Variants in ZBTB20 observed in about 807,000 individuals in gnomAD.
ZBTB20 encodes the protein zinc finger and BTB domain-containing protein 20.
A neutral mutation model predicts 56.9 loss-of-function variants in ZBTB20; 9 were observed. That is an observed-to-expected ratio of 0.16 (90% CI 0.10 to 0.28). The LOEUF is 0.28. ZBTB20 is among the 10% of genes least tolerant of loss of function. ZBTB20 has a pLI of 1.00. For synonymous variants in ZBTB20, 417 were observed against 420.7 expected, an observed-to-expected ratio of 0.99 and a Z score of 0.11; for missense variants, 655 against 1,003.0, an observed-to-expected ratio of 0.65 and a Z score of 4.69.
intron 4 of ZBTB20, among the ~76,000 whole-genome samples, chr3:114,864,382 T>G (rs2075671708): frequency 6.6e-6 from 1 of 152,094 alleles, no homozygotes; most frequent in Non-Finnish European, 1.5e-5. Flanking sequence ...TTCTTATTTA[T>G]TTAGCCAAGG....
chr3:114,665,257 C>A (rs2060982419), intron 6 of ZBTB20, among the ~76,000 whole-genome samples: 1 of 151,994 alleles, frequency 6.6e-6, no homozygotes, highest in African/African-American at 2.4e-5. Context: ...TACTCTGTTA[C>A]AATTGCCTAC....
chr3:114,983,737 C>G (rs2108102054), intron 2 of ZBTB20, among the ~76,000 whole-genome samples: 1 of 152,030 alleles, frequency 6.6e-6, no homozygotes, highest in East Asian at 1.9e-4. Flanking sequence ...AAAATACAGC[C>G]AACAGAGTTT....
chr3:115,059,809 CAGA>C (rs1290391967), intron 2 of ZBTB20, among the ~76,000 whole-genome samples: 1 of 152,104 alleles, frequency 6.6e-6, no homozygotes, highest in South Asian at 2.1e-4. Context: ...TTCTATGCAA[CAGA>C]AGAAGATATT....
intron 3 of ZBTB20, among the ~76,000 whole-genome samples, chr3:114,961,659 T>C (rs1360716943): frequency 3.9e-5 from 6 of 152,168 alleles, no homozygotes; most frequent in African/African-American, 1.2e-4. Context: ...ACCTTCCCGT[T>C]GTTCTTGCCT....
intron 6 of ZBTB20, among the ~76,000 whole-genome samples, chr3:114,551,593 T>G (rs188320115): frequency 7.2e-5 from 11 of 152,298 alleles, no homozygotes; most frequent in African/African-American, 2.6e-4. Flanking sequence ...GAGATATACA[T>G]AAGCAACAAA....
At chr3:114,450,333 A>T (rs545986015) in intron 7 of ZBTB20, among the ~76,000 whole-genome samples, 131 of 152,260 alleles carry the variant, frequency 8.6e-4, no homozygotes, top group Admixed American at 1.2e-3. Context: ...CAAAACTCAA[A>T]TTTTTTTATC....
Position 115,010,819 on chromosome 3 carries a change from C to T in ZBTB20, c.-506-36403G>A, listed in dbSNP as rs550895676. 7.9e-5 allele frequency among the ~76,000 whole-genome samples: 12 copies of T among 151,984 alleles called. No homozygotes were observed. The South Asian group carries it at 2.5e-3, about 32-fold the overall frequency. ...CTAAATAAGGCACCAGGGACCAATG[C>T]TGGAGAAGCAGAGATATGTGTGACC... On this transcript the variant is annotated intron_variant, in intron 2 of 11. Transcript: ENST00000675478.
At chr3:114,949,745 C>T (rs747458493) in intron 3 of ZBTB20, among the ~76,000 whole-genome samples, 5 of 148,814 alleles carry the variant, frequency 3.4e-5, no homozygotes, top group Non-Finnish European at 7.4e-5. Context: ...CCAGCCTGGG[C>T]GACAGAGTAA....
intron 6 of ZBTB20, among the ~76,000 whole-genome samples, chr3:114,610,277 G>C (rs2057455293): frequency 6.6e-6 from 1 of 152,202 alleles, no homozygotes. Flanking sequence ...ACAGCTTCTA[G>C]TGGTATAACA....
At chr3:114,503,373 C>T (rs1292510496) in intron 6 of ZBTB20, among the ~76,000 whole-genome samples, 1 of 152,174 alleles carries the variant, frequency 6.6e-6, no homozygotes, top group African/African-American at 2.4e-5. Flanking sequence ...AGAGTTCTTA[C>T]ACAATTCATA....
At chr3:114,848,513 C>G (rs1283595787) in intron 4 of ZBTB20, among the ~76,000 whole-genome samples, 1 of 152,142 alleles carries the variant, frequency 6.6e-6, no homozygotes, top group African/African-American at 2.4e-5. Flanking sequence ...CTCGTCCAAA[C>G]AGAGAAAAAT....
intron 5 of ZBTB20, among the ~76,000 whole-genome samples, chr3:114,741,864 G>C (rs1466297439): frequency 7.1e-6 from 1 of 141,100 alleles, no homozygotes; most frequent in African/African-American, 2.6e-5. Flanking sequence ...CTGGGTGACA[G>C]AGCAAGACTG....
intron 5 of ZBTB20, among the ~76,000 whole-genome samples, chr3:114,719,961 G>T (rs919146044): frequency 1.3e-5 from 2 of 151,594 alleles, no homozygotes; most frequent in African/African-American, 2.4e-5. Flanking sequence ...CCATTTGCCC[G>T]GCAGATCTAA....
At chr3:114,820,520 T>C (rs973573304) in intron 4 of ZBTB20, among the ~76,000 whole-genome samples, 2 of 152,108 alleles carry the variant, frequency 1.3e-5, no homozygotes, top group Admixed American at 6.5e-5. Flanking sequence ...ATATATATTT[T>C]CTATTTTGAC....
chr3:114,643,418 G>A (rs2059661310), intron 6 of ZBTB20, among the ~76,000 whole-genome samples: 1 of 152,058 alleles, frequency 6.6e-6, no homozygotes, highest in Non-Finnish European at 1.5e-5. Context: ...AATGGACTGG[G>A]AACTGATATA....
At chr3:114,414,187 ACTCTT>A (rs2088274529) in intron 7 of ZBTB20, among the ~76,000 whole-genome samples, 1 of 152,030 alleles carries the variant, frequency 6.6e-6, no homozygotes, top group Non-Finnish European at 1.5e-5. Flanking sequence ...ATTAACAGAA[ACTCTT>A]CTCTATCAAC....
intron 4 of ZBTB20, among the ~76,000 whole-genome samples, chr3:114,871,451 T>C (rs1055095168): frequency 1.3e-5 from 2 of 152,154 alleles, no homozygotes; most frequent in African/African-American, 4.8e-5. Flanking sequence ...CTTTTATATG[T>C]CTTCCTTTTC....
chr3:114,736,499 A>G (rs1190349511), intron 5 of ZBTB20, among the ~76,000 whole-genome samples: 1 of 152,058 alleles, frequency 6.6e-6, no homozygotes, highest in Non-Finnish European at 1.5e-5. Context: ...CTCATTCATC[A>G]GATAGGATTG....
At chr3:114,596,369 T>A (rs1479028858) in intron 6 of ZBTB20, among the ~76,000 whole-genome samples, 1 of 152,218 alleles carries the variant, frequency 6.6e-6, no homozygotes, top group Non-Finnish European at 1.5e-5. Flanking sequence ...ATTTTTATAA[T>A]ACTGCTTTTT....
Sources: gnomAD v4.1 joint callset for allele counts (sites outside exome capture counted in the v4.1 genomes callset) on GRCh38, gnomAD v4.1.1 for gene constraint, MANE v1.5 for transcripts, NCBI Gene and HGNC (gene_info 2026-07-23, HGNC 2026-07-21) for gene names.